Variants in PUS10 observed in about 807,000 individuals in gnomAD.
PUS10 encodes the protein tRNA pseudouridine synthase Pus10.
PUS10 carries 59 observed loss-of-function variants against 75.0 expected under a neutral mutation model. The ratio of observed to expected loss-of-function variants is 0.79; its 90% confidence interval spans 0.64 to 0.98. PUS10 has a LOEUF of 0.98. PUS10 is among the 50% of genes least tolerant of loss of function. The pLI is 0.00. For missense variants in PUS10, 650 were observed against 614.4 expected, an observed-to-expected ratio of 1.06 and a Z score of -0.61; for synonymous variants, 219 against 211.6, an observed-to-expected ratio of 1.03 and a Z score of -0.30.
chr2:61,008,043 C>T (rs1419691422), intron 3 of PUS10, among the ~76,000 whole-genome samples: 1 of 151,418 alleles, frequency 6.6e-6, no homozygotes, highest in Non-Finnish European at 1.5e-5. Context: ...CGCCACTGTG[C>T]TCCGGCCTGG....
At chr2:60,954,785 C>G (rs1675547062) in intron 12 of PUS10, among the ~76,000 whole-genome samples, 1 of 152,178 alleles carries the variant, frequency 6.6e-6, no homozygotes, top group Admixed American at 6.5e-5. Context: ...ATGCAAGTCC[C>G]TTATAACCTA....
rs571266936 is a variant in PUS10, at chr2:61,018,054, TA to T, written c.-63del. 6 of 1,484,426 alleles carry T rather than the reference TA, an allele frequency of 4.0e-6. No homozygotes were observed. In the African/African-American group the frequency reaches 8.5e-5, roughly 21 times the overall value. 92.0% of individuals were successfully genotyped at this position (1,484,426 alleles called of 1,614,324 possible). On this transcript the variant is annotated 5_prime_UTR_variant, in exon 1 of 18. Coordinates refer to ENST00000316752, the MANE Select transcript of PUS10 (RefSeq NM_144709.4). ...ACAGCTGTTTCTGACCCGGCAGCTC[TA>T]ATCAGCAACGTTTTTTTCGGGAGCT... is the stretch of plus-strand genomic sequence containing the variant.
At chr2:60,971,179 C>CA (rs1458803477) in intron 5 of PUS10, among the ~76,000 whole-genome samples, 107 of 127,618 alleles carry the variant, frequency 8.4e-4, no homozygotes, top group East Asian at 7.3e-3. Flanking sequence ...GACTCCACCT[C>CA]AAAAAAAAAA....
chr2:61,008,743 G>A lies in PUS10; in HGVS notation c.381+18C>T. On this transcript the variant is annotated intron_variant, in intron 3 of 17. Transcript: ENST00000316752. Reference sequence around the variant, plus strand: ...ATCTCTACATAATTGCACCTATAATGAAAAACAGGTTATTTACCTTTTTAA... The same window carrying A: ...ATCTCTACATAATTGCACCTATAATAAAAAACAGGTTATTTACCTTTTTAA... 1 of 1,526,854 alleles carries A rather than the reference G, an allele frequency of 6.5e-7. No individual in the cohort carries two copies. The highest frequency in any genetic ancestry group is 8.9e-7 in the Non-Finnish European group (1 of 1,126,336). 94.6% of individuals were successfully genotyped at this position (1,526,854 alleles called of 1,614,324 possible).
chr2:60,972,264 C>T (rs1417826571), intron 4 of PUS10, among the ~76,000 whole-genome samples: 2 of 149,660 alleles, frequency 1.3e-5, no homozygotes, highest in South Asian at 2.1e-4. Context: ...GAGATCGAGA[C>T]CATCCTGGCT....
chr2:60,954,151 G>A lies in PUS10; in HGVS notation c.1065C>T (p.Pro355=). The change falls in exon 13 of 18, where the codon CCC becomes CCT. Residue 355 remains proline (P), a synonymous_variant. Coordinates refer to ENST00000316752, the MANE Select transcript of PUS10 (RefSeq NM_144709.4). ...VDVRTLGNGR[P]FAIELVNPHR... The stretch of plus-strand genomic sequence containing the variant: ...GAGGATTCACCAGCTCAATTGCAAA[G>A]GGCCTTCCTGGCAGCACACACCCCG... 6.2e-7 allele frequency: 1 copy of A among 1,614,118 alleles called. No individual in the cohort carries two copies. The highest frequency in any genetic ancestry group is 1.1e-5 in the South Asian group (1 of 91,082).
chr2:61,015,099 T>A (rs1286295639), intron 1 of PUS10, among the ~76,000 whole-genome samples: 1 of 152,142 alleles, frequency 6.6e-6, no homozygotes, highest in Non-Finnish European at 1.5e-5. Context: ...GGTGACAACT[T>A]TGAAACACCA....
intron 2 of PUS10, chr2:61,010,664 G>C (rs1679541289): frequency 9.5e-7 from 1 of 1,057,714 alleles, no homozygotes. Flanking sequence ...ACTTTATTAG[G>C]TATTGTCCCT....
At chr2:60,948,212 C>T (rs756872445) in intron 15 of PUS10, 27 bp from the exon 16 acceptor site, 2 of 1,612,542 alleles carry the variant, frequency 1.2e-6, no homozygotes, top group South Asian at 2.2e-5. Flanking sequence ...CACACAGTCC[C>T]AGAGTCAGAG....
At chr2:60,958,611 TG>T (rs1675820851) in intron 11 of PUS10, among the ~76,000 whole-genome samples, 1 of 152,162 alleles carries the variant, frequency 6.6e-6, no homozygotes, top group African/African-American at 2.4e-5. Flanking sequence ...TGGCTGAGTG[TG>T]GTGGTTCACG....
chr2:60,956,475 T>G (rs1573398457), intron 11 of PUS10, among the ~76,000 whole-genome samples: 1 of 151,598 alleles, frequency 6.6e-6, no homozygotes, highest in Non-Finnish European at 1.5e-5. Context: ...CTGGCAGGGG[T>G]GAAGGGAATG....
intron 4 of PUS10, among the ~76,000 whole-genome samples, chr2:61,001,873 C>T (rs1253582753): frequency 6.6e-6 from 1 of 152,104 alleles, no homozygotes; most frequent in Non-Finnish European, 1.5e-5. Context: ...TTCTCTGATG[C>T]TCTCAATCCT....
intron 15 of PUS10, among the ~76,000 whole-genome samples, chr2:60,949,652 C>A (rs1436911809): frequency 6.6e-6 from 1 of 152,018 alleles, no homozygotes; most frequent in African/African-American, 2.4e-5. Context: ...GGAATTTAGT[C>A]AGTTTTTATA....
intron 4 of PUS10, among the ~76,000 whole-genome samples, chr2:60,995,100 C>T (rs937791248): frequency 3.9e-5 from 6 of 151,994 alleles, no homozygotes; most frequent in African/African-American, 9.7e-5. Context: ...AAAAAAAAAG[C>T]GTAAACTTTG....
At chr2:60,976,899 A>C (rs1677064559) in intron 4 of PUS10, among the ~76,000 whole-genome samples, 1 of 152,132 alleles carries the variant, frequency 6.6e-6, no homozygotes, top group Admixed American at 6.5e-5. Context: ...TAAACAAAAA[A>C]ATTTTTCCTC....
chr2:60,967,484 A>C lies in PUS10; in HGVS notation c.615+18T>G. 1 of 1,445,392 alleles carries C rather than the reference A, an allele frequency of 6.9e-7. No homozygotes were observed. The highest frequency in any genetic ancestry group is 9.6e-7 in the Non-Finnish European group (1 of 1,040,650). The allele number at this position is 1,445,392 out of a possible 1,614,324, so 89.5% of individuals were successfully genotyped here. A position where few individuals can be genotyped will look rare whatever the true frequency, so the allele number is the denominator to read the frequency against. ...GTAAAATCAGAGAATAAAATTAACAATGCTGTTGACCCAATACCTTTCCAT... is the reference window on the plus strand; with the variant it reads ...GTAAAATCAGAGAATAAAATTAACACTGCTGTTGACCCAATACCTTTCCAT... On this transcript the variant is annotated intron_variant, in intron 6 of 17. Coordinates refer to ENST00000316752, the MANE Select transcript of PUS10 (RefSeq NM_144709.4).
At chr2:60,972,159 G>A (rs1385817263) in intron 4 of PUS10, among the ~76,000 whole-genome samples, 2 of 133,922 alleles carry the variant, frequency 1.5e-5, no homozygotes, top group Non-Finnish European at 3.2e-5. Flanking sequence ...GTGAGCCACC[G>A]CGCCCAGCCC....
intron 5 of PUS10, among the ~76,000 whole-genome samples, chr2:60,970,332 C>G (rs561832793): frequency 2.1e-4 from 32 of 152,134 alleles, no homozygotes; most frequent in African/African-American, 7.5e-4. Flanking sequence ...AACAAAAAAG[C>G]CAAATTAATT....
At chr2:60,978,435 A>AAG (rs1224149900) in intron 4 of PUS10, among the ~76,000 whole-genome samples, 6 of 151,216 alleles carry the variant, frequency 4.0e-5, no homozygotes, top group Non-Finnish European at 7.4e-5. Context: ...AAAAAAAAAA[A>AAG]AAAAAAAAGA....
Sources: gnomAD v4.1 joint callset for allele counts (sites outside exome capture counted in the v4.1 genomes callset) on GRCh38, gnomAD v4.1.1 for gene constraint, MANE v1.5 for transcripts, NCBI Gene and HGNC (gene_info 2026-07-23, HGNC 2026-07-21) for gene names.